Variants in NUP205 observed in about 807,000 individuals in gnomAD.
NUP205 encodes nuclear pore complex protein Nup205.
Under a neutral mutation model 253.8 loss-of-function variants are expected in NUP205, and 76 were observed. The ratio of observed to expected loss-of-function variants is 0.30; its 90% CI spans 0.25 to 0.36. The LOEUF (loss-of-function observed/expected upper bound fraction) is 0.36. Ranked by LOEUF, NUP205 falls within the 10% of genes least tolerant of loss-of-function variation. The pLI, the probability that NUP205 is intolerant of heterozygous loss-of-function variation, is 1.00. For synonymous variants in NUP205, 832 were observed against 850.1 expected, an observed-to-expected ratio of 0.98 and a Z score of 0.37; for missense variants, 2,162 against 2,425.5, an observed-to-expected ratio of 0.89 and a Z score of 2.28.
At chr7:135,647,184 G>T (rs1267553022) in intron 42 of NUP205, among the ~76,000 whole-genome samples, 1 of 152,236 alleles carries the variant, frequency 6.6e-6, no homozygotes, top group African/African-American at 2.4e-5. Context: ...ATCAGGGTGT[G>T]TGATGTTAGG....
At chr7:135,576,135 AGT>A in intron 3 of NUP205, 133 bp from the exon 4 acceptor site, 1 of 597,388 alleles carries the variant, frequency 1.7e-6, no homozygotes, top group East Asian at 3.0e-5. Flanking sequence ...GGATGTTTGT[AGT>A]AGAGGACCCC....
intron 35 of NUP205, among the ~76,000 whole-genome samples, chr7:135,633,373 C>A (rs1340668281): frequency 6.6e-6 from 1 of 152,118 alleles, no homozygotes; most frequent in Non-Finnish European, 1.5e-5. Flanking sequence ...CCTCAGCCTC[C>A]CAAGTAGCTG....
At chr7:135,571,876 T>A (rs1486875697) in intron 2 of NUP205, among the ~76,000 whole-genome samples, 1 of 152,242 alleles carries the variant, frequency 6.6e-6, no homozygotes, top group African/African-American at 2.4e-5. Context: ...CTTTTCTAGA[T>A]ATTTTTTAAA....
intron 1 of NUP205, among the ~76,000 whole-genome samples, chr7:135,565,457 A>T (rs1445438612): frequency 5.8e-5 from 8 of 138,996 alleles, no homozygotes; most frequent in Non-Finnish European, 1.1e-4. Flanking sequence ...TTTGAGATGG[A>T]GTTTCGCTAT....
At chr7:135,621,212 G>T (rs769071314) in intron 30 of NUP205, among the ~76,000 whole-genome samples, 3 of 152,146 alleles carry the variant, frequency 2.0e-5, no homozygotes, top group Non-Finnish European at 4.4e-5. Context: ...ATAGCCAAAT[G>T]GTAGATTTAT....
chr7:135,623,692 A>G (rs1794522662), intron 31 of NUP205, among the ~76,000 whole-genome samples: 1 of 152,258 alleles, frequency 6.6e-6, no homozygotes, highest in African/African-American at 2.4e-5. Flanking sequence ...TAGCAAAATT[A>G]TGTAGCAATT....
intron 2 of NUP205, among the ~76,000 whole-genome samples, chr7:135,572,997 C>T (rs1393171959): frequency 2.9e-5 from 4 of 139,890 alleles, no homozygotes; most frequent in Non-Finnish European, 6.1e-5. Context: ...GTAGAAAGAA[C>T]CCCAGCCTGG....
At chr7:135,579,527 C>G (rs1364559468) in intron 7 of NUP205, among the ~76,000 whole-genome samples, 1 of 151,956 alleles carries the variant, frequency 6.6e-6, no homozygotes, top group African/African-American at 2.4e-5. Flanking sequence ...ATATACTATT[C>G]CTTTTATTTT....
Position 135,638,570 on chromosome 7 carries a change from T to C in NUP205, c.5279T>C (p.Val1760Ala). Reference sequence around the variant, plus strand: ...TTTTGATTATAGATTTGTGCCAATGTAATGGAATATTGCCAGTCACTCATG... The same window carrying C: ...TTTTGATTATAGATTTGTGCCAATGCAATGGAATATTGCCAGTCACTCATG... ...ELAMQQICAN[V>A]MEYCQSLMLQ... The change falls in exon 38 of 43, where the codon GTA becomes GCA. Residue 1760 changes from valine (V) to alanine (A), a missense_variant. Val to Ala is a moderately conservative substitution (Grantham distance 64, BLOSUM62 0). Coordinates refer to ENST00000285968, the MANE Select transcript of NUP205 (RefSeq NM_015135.3). 6.2e-7 allele frequency: 1 copy of C among 1,613,956 alleles called. No homozygotes were observed. The highest frequency in any genetic ancestry group is 1.3e-5 in the African/African-American group (1 of 75,048).
rs1806417230 is a variant in NUP205, at chr7:135,584,981, G to A, written c.1192G>A (p.Asp398Asn). Residue 398 changes from aspartate (D) to asparagine (N), a missense_variant, in exon 8 of 43, where the codon GAT becomes AAT. Physicochemically the swap from Asp to Asn is conservative, Grantham distance 23. This residue lies in a region of NUP205 where 892 missense variants were observed against 957.1 expected (regional missense o/e 0.93). Transcript: ENST00000285968. ...TCGCAGAGTCCATAATCTCATCACA[G>A]ATTTCCTTGCACTTATGCCAATGAA... ...YIRRVHNLIT[D>N]FLALMPMKVK... is the part of the protein sequence containing the mutation. 1 of 1,613,084 alleles carries A rather than the reference G, an allele frequency of 6.2e-7. No individual in the cohort carries two copies. The highest frequency in any genetic ancestry group is 8.5e-7 in the Non-Finnish European group (1 of 1,179,302).
At chr7:135,616,922 A>G (rs1044924014) in intron 25 of NUP205, among the ~76,000 whole-genome samples, 168 bp from the exon 26 acceptor site, 1 of 152,172 alleles carries the variant, frequency 6.6e-6, no homozygotes, top group South Asian at 2.1e-4. Context: ...TTGTTAATGG[A>G]TGTATCAGAA....
chr7:135,614,672 C>G (rs1794315125), intron 23 of NUP205, among the ~76,000 whole-genome samples: 2 of 152,034 alleles, frequency 1.3e-5, no homozygotes, highest in South Asian at 4.1e-4. Context: ...GAAACCAATT[C>G]AGATCTTGAA....
intron 8 of NUP205, among the ~76,000 whole-genome samples, chr7:135,585,379 C>T (rs1184881527): frequency 6.6e-6 from 1 of 152,078 alleles, no homozygotes; most frequent in African/African-American, 2.4e-5. Context: ...AAATATTTGA[C>T]ATAGTGAATG....
In NUP205 at chr7:135,571,182, G is replaced by T. The variant is rs201378102; in HGVS notation, c.106G>T (p.Val36Phe). 105 of 1,505,676 alleles carry T rather than the reference G, an allele frequency of 7.0e-5. No individual in the cohort carries two copies. Among genetic ancestry groups the T allele is most frequent in the Non-Finnish European group, 9.2e-5 (104 of 1,125,116 alleles). The allele number at this position is 1,505,676 out of a possible 1,614,324, so 93.3% of individuals were successfully genotyped here. ...NALWRRQPEA[V>F]HLLDKILKKH... is the part of the protein sequence containing the mutation. ...TCTTTGGAGAAGACAACCTGAAGCT[G>T]TTCACCTTCTTGATAAGATTTTGAA... The change falls in exon 2 of 43, where the codon GTT becomes TTT. Residue 36 changes from valine to phenylalanine, a missense_variant. Physicochemically the swap from Val to Phe is conservative, Grantham distance 50. This residue lies in a region of NUP205 where 109 missense variants were observed against 131.8 expected (regional missense o/e 0.83). Coordinates refer to ENST00000285968, the MANE Select transcript of NUP205 (RefSeq NM_015135.3).
intron 18 of NUP205, 24 bp from the exon 19 acceptor site, chr7:135,604,316 T>A: frequency 6.3e-7 from 1 of 1,576,282 alleles, no homozygotes; most frequent in South Asian, 1.2e-5. Flanking sequence ...TCACTGTTCC[T>A]CAAATGTTTT....
rs1028107515 is a variant in NUP205, at chr7:135,622,850, C to G, written c.4404C>G (p.Ala1468=). ...GCAAATTACAGCGAGAAAACATAGC[C>G]ATTATTGAAAGTTATGGCGCCGCCC... ...VFSKLQRENI[A]IIESYGAALM... is the part of the protein sequence containing the mutation. The change falls in exon 31 of 43, where the codon GCC becomes GCG. Residue 1468 remains alanine (A), a synonymous_variant. Coordinates refer to ENST00000285968, the MANE Select transcript of NUP205 (RefSeq NM_015135.3). The G allele has an allele frequency of 8.1e-6, 13 of 1,613,924 alleles. No individual in the cohort carries two copies. The Admixed American group carries it at 1.3e-4, about 17-fold the overall frequency.
At chr7:135,606,083 A>C in intron 19 of NUP205, 62 bp from the exon 20 acceptor site, 1 of 1,075,580 alleles carries the variant, frequency 9.3e-7, no homozygotes, top group South Asian at 1.3e-5. Context: ...TATCAATCAT[A>C]GTTTTTCTAA....
chr7:135,626,443 C>T, intron 33 of NUP205, 82 bp downstream of exon 33: 3 of 1,454,172 alleles, frequency 2.1e-6, no homozygotes, highest in South Asian at 1.3e-5. Flanking sequence ...CATAATTTTG[C>T]CGCTTAGCAA....
chr7:135,623,262 T>C (rs78333624), intron 31 of NUP205, among the ~76,000 whole-genome samples: 5,992 of 152,280 alleles, frequency 0.039, 231 homozygotes, highest in African/African-American at 0.099. Flanking sequence ...CAGCCTGGGC[T>C]GCAGAGTGAG....
Sources: allele counts gnomAD v4.1 joint callset (sites outside exome capture counted in the v4.1 genomes callset), GRCh38; gene constraint gnomAD v4.1.1; regional missense constraint gnomAD v4.1.1; transcripts MANE v1.5; gene names NCBI Gene and HGNC (gene_info 2026-07-23, HGNC 2026-07-21).